NCOA7: variants seen among roughly 807,000 people sequenced by gnomAD.
NCOA7 encodes the protein 140 kDa estrogen receptor-associated protein.
A neutral mutation model predicts 104.3 loss-of-function variants in NCOA7; 45 were observed. That is an observed-to-expected ratio of 0.43 (90% CI 0.34 to 0.55). NCOA7 has a LOEUF of 0.55. Among genes scored for constraint, NCOA7 ranks in the 20% least tolerant of loss-of-function variants. NCOA7 has a pLI of 0.02. For synonymous variants in NCOA7, 398 were observed against 402.3 expected, an observed-to-expected ratio of 0.99 and a Z score of 0.13; for missense variants, 1,041 against 1,119.7, an observed-to-expected ratio of 0.93 and a Z score of 1.00.
At chr6:125,812,918 A>G (rs141484216) in intron 1 of NCOA7, among the ~76,000 whole-genome samples, 1 of 152,210 alleles carries the variant, frequency 6.6e-6, no homozygotes, top group East Asian at 1.9e-4. Context: ...TCAGTCTCCT[A>G]AGTATTTCTT....
intron 2 of NCOA7, among the ~76,000 whole-genome samples, chr6:125,834,298 A>G (rs916852707): frequency 1.3e-5 from 2 of 152,226 alleles, no homozygotes; most frequent in African/African-American, 4.8e-5. Context: ...TGAACATAGT[A>G]TAATTAATCC....
chr6:125,801,618 C>T (rs1486758624), intron 1 of NCOA7, among the ~76,000 whole-genome samples: 1 of 152,212 alleles, frequency 6.6e-6, no homozygotes, highest in Non-Finnish European at 1.5e-5. Context: ...CGTGTTCCCG[C>T]TGAAACTGGT....
At chr6:125,875,045 C>A (rs1485761291) in intron 4 of NCOA7, 77 bp downstream of exon 4, 3 of 1,099,182 alleles carry the variant, frequency 2.7e-6, no homozygotes, top group African/African-American at 1.6e-5. Flanking sequence ...ACACATCCTG[C>A]CCCTTGGCTG....
At chr6:125,901,388 C>T (rs1001640725) in intron 10 of NCOA7, among the ~76,000 whole-genome samples, 2 of 152,166 alleles carry the variant, frequency 1.3e-5, no homozygotes, top group South Asian at 2.1e-4. Flanking sequence ...ATTTTGAGTA[C>T]GTTTGTTGGT....
intron 8 of NCOA7, among the ~76,000 whole-genome samples, chr6:125,886,017 A>T (rs1318090799): frequency 6.6e-6 from 1 of 152,190 alleles, no homozygotes; most frequent in Non-Finnish European, 1.5e-5. Context: ...GATACAGATA[A>T]TCTGATTTTT....
intron 2 of NCOA7, among the ~76,000 whole-genome samples, chr6:125,837,623 T>C (rs1236490833): frequency 6.6e-6 from 1 of 152,166 alleles, no homozygotes; most frequent in Non-Finnish European, 1.5e-5. Context: ...TATTTTCTTC[T>C]ATTTCTTCTC....
intron 1 of NCOA7, among the ~76,000 whole-genome samples, chr6:125,811,995 C>T (rs966631153): frequency 5.9e-5 from 9 of 152,200 alleles, no homozygotes; most frequent in African/African-American, 2.2e-4. Flanking sequence ...GCTGCCGCAC[C>T]ACAGCTAGTG....
chr6:125,854,530 T>A (rs1353358380), intron 2 of NCOA7, among the ~76,000 whole-genome samples: 3 of 152,244 alleles, frequency 2.0e-5, no homozygotes, highest in Non-Finnish European at 4.4e-5. Flanking sequence ...ATTACTCCTA[T>A]GTGACCCAGT....
intron 10 of NCOA7, among the ~76,000 whole-genome samples, chr6:125,913,909 G>A (rs1269338170): frequency 1.3e-5 from 2 of 152,174 alleles, no homozygotes; most frequent in African/African-American, 4.8e-5. Context: ...AGCCCTTAAC[G>A]CTGAAAGGAA....
intron 2 of NCOA7, among the ~76,000 whole-genome samples, chr6:125,843,229 T>C (rs1237393896): frequency 1.3e-5 from 2 of 152,138 alleles, no homozygotes; most frequent in Admixed American, 6.6e-5. Flanking sequence ...GAGAAAGCAG[T>C]GTGCCATGCA....
At chr6:125,845,203 C>T (rs1780495672) in intron 2 of NCOA7, among the ~76,000 whole-genome samples, 1 of 152,088 alleles carries the variant, frequency 6.6e-6, no homozygotes, top group South Asian at 2.1e-4. Flanking sequence ...GACAAGGCTG[C>T]AGCCAGAACA....
intron 1 of NCOA7, among the ~76,000 whole-genome samples, chr6:125,781,733 A>G (rs1382736599): frequency 1.3e-5 from 2 of 152,244 alleles, no homozygotes; most frequent in Non-Finnish European, 2.9e-5. Context: ...CACAAAGTAC[A>G]AAAGGGTATG....
At chr6:125,828,138 G>GA (rs1490851014) in intron 2 of NCOA7, among the ~76,000 whole-genome samples, 1 of 151,998 alleles carries the variant, frequency 6.6e-6, no homozygotes, top group Non-Finnish European at 1.5e-5. Flanking sequence ...CATATAAAGT[G>GA]AAAAAAGAAC....
At chr6:125,897,008 A>G (rs867037668) in intron 10 of NCOA7, among the ~76,000 whole-genome samples, 1 of 152,270 alleles carries the variant, frequency 6.6e-6, no homozygotes, top group Non-Finnish European at 1.5e-5. Context: ...TTTAGAAAGC[A>G]TGATAAGTTA....
At chr6:125,918,258 T>A (rs2128693335) in intron 11 of NCOA7, among the ~76,000 whole-genome samples, 1 of 152,324 alleles carries the variant, frequency 6.6e-6, no homozygotes, top group Middle Eastern at 3.4e-3. Context: ...AGCAGCTTTA[T>A]GTCTCTGTGC....
Position 125,881,886 on chromosome 6 carries a change from C to T in NCOA7, c.574-540C>T, listed in dbSNP as rs185328467. Among the ~76,000 whole-genome samples, 73 of 151,998 alleles carry T rather than the reference C, an allele frequency of 4.8e-4. No homozygotes were observed. The East Asian group carries it at 7.1e-3, about 15-fold the overall frequency. ...GTGTGTGTGAGACAGAGTCTTTCTC[C>T]GTCACCCAGACTGCTGTAGTGCAAT... On this transcript the variant is annotated intron_variant, in intron 6 of 15. Coordinates refer to ENST00000392477, the MANE Select transcript of NCOA7 (RefSeq NM_181782.5).
rs1232071252 is a variant in NCOA7, at chr6:125,889,240, G to A, written c.1186G>A (p.Asp396Asn). 14 of 1,613,786 alleles carry A rather than the reference G, an allele frequency of 8.7e-6. No homozygotes were observed. The highest frequency in any genetic ancestry group is 3.3e-5 in the South Asian group (3 of 91,062). The part of the protein sequence containing the change: ...TVTKLSKEPS[D>N]TSSAFESTAK... ...GACTAAGCTCAGCAAGGAACCTTCCGACACTTCTTCTGCATTTGAATCTAC... is the reference window on the plus strand; with the variant it reads ...GACTAAGCTCAGCAAGGAACCTTCCAACACTTCTTCTGCATTTGAATCTAC... Residue 396 changes from aspartate to asparagine, a missense_variant, in exon 9 of 16, where the codon GAC (aspartate) becomes AAC (asparagine). Physicochemically the swap from Asp to Asn is conservative, Grantham distance 23. Transcript: ENST00000392477.
chr6:125,859,597 A>G (rs112936172), intron 3 of NCOA7, among the ~76,000 whole-genome samples: 3 of 152,332 alleles, frequency 2.0e-5, no homozygotes, highest in African/African-American at 7.2e-5. Context: ...AGTTATTTTT[A>G]ATATTAATAA....
At chr6:125,820,446 A>G (rs1778067799) in intron 2 of NCOA7, among the ~76,000 whole-genome samples, 1 of 152,260 alleles carries the variant, frequency 6.6e-6, no homozygotes, top group Non-Finnish European at 1.5e-5. Context: ...AGAGAAGCTC[A>G]AATGGGACCC....
Sources: gnomAD v4.1 joint callset for allele counts (sites outside exome capture counted in the v4.1 genomes callset) on GRCh38, gnomAD v4.1.1 for gene constraint, MANE v1.5 for transcripts, NCBI Gene and HGNC (gene_info 2026-07-23, HGNC 2026-07-21) for gene names.